Variants in PTER observed in about 807,000 individuals in gnomAD.
PTER encodes the protein N-acetyltaurine hydrolase.
Under a neutral mutation model 29.6 loss-of-function variants are expected in PTER, and 38 were observed. The observed-to-expected ratio is 1.28, with a 90% confidence interval of 0.99 to 1.68. PTER has a LOEUF of 1.68. Among genes scored for constraint, PTER ranks in the 40% most tolerant of loss-of-function variants. The pLI is 0.00. For missense variants in PTER, 482 were observed against 427.8 expected, an observed-to-expected ratio of 1.13 and a Z score of -1.12; for synonymous variants, 172 against 154.5, an observed-to-expected ratio of 1.11 and a Z score of -0.84.
chr10:16,502,960 G>A (rs1327744849), intron 3 of PTER, among the ~76,000 whole-genome samples: 1 of 129,144 alleles, frequency 7.7e-6, no homozygotes, highest in Admixed American at 8.5e-5. Context: ...CTGCACTCCA[G>A]CCTGGGCGAC....
intron 1 of PTER, among the ~76,000 whole-genome samples, chr10:16,478,321 C>T (rs1588610822): frequency 6.8e-6 from 1 of 147,984 alleles, no homozygotes; most frequent in African/African-American, 2.5e-5. Flanking sequence ...TCTCCCTTTT[C>T]CTCCCTCGTT....
At position 16,494,139 on chromosome 10, in the gene PTER, C is replaced by T. The variant is rs187579388; in HGVS notation, c.698+7522C>T. On this transcript the variant is annotated intron_variant, in intron 3 of 4. Coordinates refer to ENST00000535784, the MANE Select transcript of PTER (RefSeq NM_001261836.2). ...ACCGTGTATCGCCTTACATGAAAAA[C>T]GCAACCTCTTTTGTGCTATGTGGTA... Among the ~76,000 whole-genome samples the T allele has an allele frequency of 1.6e-4, 25 of 152,308 alleles. 1 individual carries two copies. The East Asian group carries it at 4.0e-3, about 25-fold the overall frequency.
Position 16,496,985 on chromosome 10 carries a change from AATGCAGTTGC to A in PTER, c.699-8034_699-8025del, listed in dbSNP as rs1430969828. ...AATCTCACACTGTCACCCAGGCTGG[AATGCAGTTGC>A]GCGATCTCGGCTCACTGCAGCCTTT... On this transcript the variant is annotated intron_variant, in intron 3 of 4. Transcript: ENST00000535784. 5.4e-4 allele frequency among the ~76,000 whole-genome samples: 80 copies of A among 147,822 alleles called. 1 individual carries two copies. The highest frequency in any genetic ancestry group is 2.0e-3 in the African/African-American group (78 of 39,368).
At chr10:16,478,459 G>A (rs1835360660) in intron 1 of PTER, among the ~76,000 whole-genome samples, 1 of 151,376 alleles carries the variant, frequency 6.6e-6, no homozygotes. Flanking sequence ...TCAGGCTTCT[G>A]AGTAGCTGGT....
At chr10:16,497,176 C>G (rs537578729) in intron 3 of PTER, among the ~76,000 whole-genome samples, 12 of 152,206 alleles carry the variant, frequency 7.9e-5, no homozygotes, top group African/African-American at 2.9e-4. Context: ...CTCAGGTAAT[C>G]CACTCGACTT....
intron 1 of PTER, among the ~76,000 whole-genome samples, chr10:16,468,381 T>C (rs953872991): frequency 6.6e-6 from 1 of 152,094 alleles, no homozygotes; most frequent in Admixed American, 6.6e-5. Context: ...GCTCTTTTTT[T>C]TTTTTAGTGA....
intron 3 of PTER, among the ~76,000 whole-genome samples, chr10:16,499,852 A>G (rs924136708): frequency 1.4e-4 from 22 of 151,968 alleles, no homozygotes; most frequent in African/African-American, 4.6e-4. Flanking sequence ...ATATGTATGT[A>G]TGTCTTGGTT....
chr10:16,517,802 T>G (rs1464225729), downstream of PTER, among the ~76,000 whole-genome samples: 1 of 152,238 alleles, frequency 6.6e-6, no homozygotes, highest in African/African-American at 2.4e-5. Flanking sequence ...TTTAATTAAT[T>G]GCTACTGATG....
In PTER at chr10:16,513,712, C is replaced by G. The variant is rs932123115; in HGVS notation, c.*2456C>G. 1 of 152,474 alleles carries G rather than the reference C, an allele frequency of 6.6e-6. No homozygotes were observed. The highest frequency in any genetic ancestry group is 1.5e-5 in the Non-Finnish European group (1 of 67,992). 9.4% of individuals were successfully genotyped at this position (152,474 alleles called of 1,614,324 possible). A position where few individuals can be genotyped will look rare whatever the true frequency, so the allele number is the denominator to read the frequency against. On this transcript the variant is annotated 3_prime_UTR_variant, in exon 5 of 5. Transcript: ENST00000535784. ...GCAAAAGCCTCGGTTTGATTTGATA[C>G]TAAAGAATAAATTTCTCTGACTTTC...
chr10:16,471,592 T>G (rs1176425208), intron 1 of PTER, among the ~76,000 whole-genome samples: 1 of 152,238 alleles, frequency 6.6e-6, no homozygotes, highest in Non-Finnish European at 1.5e-5. Flanking sequence ...GTATTTAAAA[T>G]ACTTAAACTA....
chr10:16,448,472 G>C (rs1834092346), intron 1 of PTER, among the ~76,000 whole-genome samples: 1 of 152,170 alleles, frequency 6.6e-6, no homozygotes, highest in Non-Finnish European at 1.5e-5. Flanking sequence ...CCTCTTTCTT[G>C]GTTGTAGGAG....
chr10:16,514,824 A>G, downstream of PTER: 1 of 723,644 alleles, frequency 1.4e-6, no homozygotes. Flanking sequence ...TTAGCATAGC[A>G]AAGTCCATGT....
intron 1 of PTER, among the ~76,000 whole-genome samples, chr10:16,464,900 A>G (rs965593723): frequency 4.6e-5 from 7 of 152,220 alleles, no homozygotes; most frequent in African/African-American, 1.4e-4. Context: ...AGGCCTCACA[A>G]TCATGGTGGG....
Position 16,505,106 on chromosome 10 carries a change from A to G in PTER, c.785A>G (p.His262Arg). The G allele has an allele frequency of 1.9e-6, 3 of 1,614,026 alleles. No individual in the cohort carries two copies. Among genetic ancestry groups the G allele is most frequent in the Non-Finnish European group, 2.5e-6 (3 of 1,179,946 alleles). The part of the protein sequence containing the change: ...EYDLFGTELL[H>R]YQLGPDIDMP... ...GATCTCTTTGGTACTGAACTACTTC[A>G]TTACCAACTCGGCCCAGATATTGAC... The change falls in exon 4 of 5, where the codon CAT (histidine) becomes CGT (arginine). Residue 262 changes from histidine to arginine, a missense_variant. His to Arg is a conservative substitution (Grantham distance 29). Transcript: ENST00000535784.
chr10:16,490,101 G>A (rs755959980), intron 3 of PTER, among the ~76,000 whole-genome samples: 4 of 152,142 alleles, frequency 2.6e-5, no homozygotes, highest in Non-Finnish European at 4.4e-5. Context: ...ACAGCTTAAC[G>A]TAGTCTACCT....
intron 3 of PTER, among the ~76,000 whole-genome samples, chr10:16,489,376 ATTG>A (rs1835815516): frequency 6.6e-6 from 1 of 152,064 alleles, no homozygotes; most frequent in Non-Finnish European, 1.5e-5. Flanking sequence ...ATAACTTGTA[ATTG>A]ATAAATCTAA....
At chr10:16,498,968 C>T (rs980861773) in intron 3 of PTER, among the ~76,000 whole-genome samples, 2 of 152,146 alleles carry the variant, frequency 1.3e-5, no homozygotes, top group Non-Finnish European at 2.9e-5. Flanking sequence ...AGTGTGTCTC[C>T]GTAGTGTGAG....
At chr10:16,466,648 A>G (rs1025428011) in intron 1 of PTER, among the ~76,000 whole-genome samples, 6 of 152,142 alleles carry the variant, frequency 3.9e-5, no homozygotes, top group Non-Finnish European at 7.4e-5. Context: ...GAGCCACTGC[A>G]CCTGGCCTGA....
intron 1 of PTER, among the ~76,000 whole-genome samples, chr10:16,448,183 C>T (rs929698508): frequency 6.6e-6 from 1 of 152,190 alleles, no homozygotes; most frequent in African/African-American, 2.4e-5. Context: ...ATCCCAGAAG[C>T]CTCTGCTGTG....
Sources: gnomAD v4.1 joint callset for allele counts (sites outside exome capture counted in the v4.1 genomes callset) on GRCh38, gnomAD v4.1.1 for gene constraint, MANE v1.5 for transcripts, NCBI Gene and HGNC (gene_info 2026-07-23, HGNC 2026-07-21) for gene names.